Variants in HELB observed in about 807,000 individuals in gnomAD.
HELB encodes the protein DNA helicase B, also known as DNA 5'-3' helicase B.
In HELB, 96 loss-of-function variants were observed where a neutral mutation model predicts 101.7. That is an observed-to-expected ratio of 0.94 (90% CI 0.80 to 1.12). The LOEUF (loss-of-function observed/expected upper bound fraction) is 1.12. Ranked by LOEUF, HELB falls within the 50% of genes most tolerant of loss-of-function variation. HELB has a pLI of 0.00. For missense variants in HELB, 1,210 were observed against 1,291.9 expected, an observed-to-expected ratio of 0.94 and a Z score of 0.97; for synonymous variants, 437 against 459.7, an observed-to-expected ratio of 0.95 and a Z score of 0.63.
intron 1 of HELB, 38 bp downstream of exon 1, chr12:66,302,828 G>A: frequency 1.3e-6 from 2 of 1,532,586 alleles, no homozygotes; most frequent in South Asian, 2.4e-5. Flanking sequence ...GGGTTGGAGG[G>A]TCCAAAGTAG....
In HELB at chr12:66,331,242, G is replaced by A. The variant is rs1283218484; in HGVS notation, c.2759G>A (p.Arg920His). Residue 920 changes from arginine to histidine, a missense_variant, in exon 12 of 13, where the codon CGC (arginine) becomes CAC (histidine). Physicochemically the swap from Arg to His is conservative, Grantham distance 29. This residue lies in a region of HELB where 740 missense variants were observed against 728.8 expected (regional missense o/e 1.02). Coordinates refer to ENST00000247815, the MANE Select transcript of HELB (RefSeq NM_001370285.1). ...QHVYTAVTRG[R>H]CRVYVIAEES... ...GTCTACACCGCCGTGACCAGGGGCC[G>A]CTGCCGAGTGTATGTGATTGCAGAG... 13 of 1,614,094 alleles carry A rather than the reference G, an allele frequency of 8.1e-6. No individual in the cohort carries two copies. Among genetic ancestry groups the A allele is most frequent in the Admixed American group, 3.3e-5 (2 of 60,012 alleles).
At chr12:66,316,790 C>T (rs1179113467) in intron 6 of HELB, among the ~76,000 whole-genome samples, 16 of 151,762 alleles carry the variant, frequency 1.1e-4, no homozygotes, top group African/African-American at 2.9e-4. Context: ...GAGGCCGAGG[C>T]GGGTGGATCA....
intron 8 of HELB, 112 bp downstream of exon 8, chr12:66,322,141 T>C: frequency 1.8e-6 from 1 of 560,164 alleles, no homozygotes; most frequent in South Asian, 1.9e-5. Context: ...CTGTTAATTC[T>C]CTTTCTTATT....
rs143275731 is a variant in HELB, at chr12:66,324,054, A to G, written c.2369A>G (p.Asp790Gly). Residue 790 changes from aspartate to glycine, a missense_variant, in exon 10 of 13, where the codon GAC (aspartate) becomes GGC (glycine). Physicochemically the swap from Asp to Gly is moderately conservative, Grantham distance 94. Coordinates refer to ENST00000247815, the MANE Select transcript of HELB (RefSeq NM_001370285.1). ...ICCTRNAYLS[D>G]LLPENISGSQ... ...TGTACCAGGAATGCATACCTCTCAG[A>G]CTTACTACCTGAAAATATCTCTGGA... 1.8e-4 allele frequency: 287 copies of G among 1,613,666 alleles called. No homozygotes were observed. The highest frequency in any genetic ancestry group is 2.3e-4 in the Non-Finnish European group (276 of 1,179,814).
chr12:66,336,647 G>A (rs894477146), intron 12 of HELB, among the ~76,000 whole-genome samples: 1 of 152,156 alleles, frequency 6.6e-6, no homozygotes, highest in Non-Finnish European at 1.5e-5. Context: ...CAGGGAAAAC[G>A]TTCTCTAGGA....
chr12:66,329,228 G>C (rs1322578677), intron 11 of HELB, among the ~76,000 whole-genome samples: 1 of 152,194 alleles, frequency 6.6e-6, no homozygotes, highest in Non-Finnish European at 1.5e-5. Flanking sequence ...ATCTTGGAGT[G>C]CAGAATTCCA....
rs759310437 is a variant in HELB at position 66,324,984 on chromosome 12, A to G, written c.2528A>G (p.Asp843Gly). ...CNGEIFFITNDVTDVTFGKRR... is the reference protein window; with the variant it reads ...CNGEIFFITNGVTDVTFGKRR... ...AATAGTTCTTTGGTTTGGTGACAGG[A>G]TGTAACTGATGTAACTTTTGGAAAG... The change falls in exon 11 of 13, where the codon GAT becomes GGT. Residue 843 changes from aspartate (D) to glycine (G), a missense_variant and splice_region_variant. This residue lies in a region of HELB where 740 missense variants were observed against 728.8 expected (regional missense o/e 1.02). Coordinates refer to ENST00000247815, the MANE Select transcript of HELB (RefSeq NM_001370285.1). 3.7e-6 allele frequency: 6 copies of G among 1,611,870 alleles called. No homozygotes were observed. The Admixed American group carries it at 8.3e-5, about 22-fold the overall frequency.
At chr12:66,339,186 G>A (rs1442210866), downstream of HELB, 1 of 152,032 alleles carries the variant, frequency 6.6e-6, no homozygotes, top group Non-Finnish European at 1.5e-5. Flanking sequence ...GGCATAAATG[G>A]TTAATAGCTT....
chr12:66,320,437 A>G (rs1294228877), intron 7 of HELB, among the ~76,000 whole-genome samples: 1 of 152,214 alleles, frequency 6.6e-6, no homozygotes, highest in Non-Finnish European at 1.5e-5. Flanking sequence ...TTAAATAATT[A>G]ATAGCTAATG....
chr12:66,342,921 C>A (rs897472273), downstream of HELB: 4 of 152,066 alleles, frequency 2.6e-5, no homozygotes, highest in African/African-American at 9.7e-5. Flanking sequence ...GTCTCAAACT[C>A]CTGACCTCAG....
intron 3 of HELB, among the ~76,000 whole-genome samples, chr12:66,308,100 C>T (rs974601097): frequency 2.0e-5 from 3 of 151,182 alleles, no homozygotes; most frequent in Non-Finnish European, 4.4e-5. Context: ...GTATTTTCTG[C>T]CTTCTGGATT....
intron 12 of HELB, among the ~76,000 whole-genome samples, chr12:66,333,112 C>A (rs1024966441): frequency 3.3e-5 from 5 of 152,038 alleles, no homozygotes; most frequent in Admixed American, 2.6e-4. Context: ...GGGAGGAAAG[C>A]GCACCAGTGC....
intron 6 of HELB, among the ~76,000 whole-genome samples, chr12:66,317,537 CGT>C (rs992642314): frequency 9.2e-5 from 14 of 152,304 alleles, no homozygotes; most frequent in African/African-American, 3.4e-4. Context: ...GTCCAAGAAA[CGT>C]GGAGGAATCT....
chr12:66,325,054 T>C lies in HELB; in HGVS notation c.2598T>C (p.Thr866=), dbSNP rs1222356957. ...ATAATATGGCTGGCCTGGAAGTAACTGTGGATTTTAAGAAACTAATGAAAT... is the reference window on the plus strand; with the variant it reads ...ATAATATGGCTGGCCTGGAAGTAACCGTGGATTTTAAGAAACTAATGAAAT... ...TINNMAGLEV[T]VDFKKLMKYC... is the part of the protein sequence containing the mutation. The change falls in exon 11 of 13, where the codon ACT becomes ACC. Residue 866 remains threonine (T), a synonymous_variant. Transcript: ENST00000247815. 1 of 1,613,660 alleles carries C rather than the reference T, an allele frequency of 6.2e-7. No individual in the cohort carries two copies. The highest frequency in any genetic ancestry group is 8.5e-7 in the Non-Finnish European group (1 of 1,179,748).
At chr12:66,313,653 G>A (rs550113887) in intron 4 of HELB, among the ~76,000 whole-genome samples, 1 of 152,140 alleles carries the variant, frequency 6.6e-6, no homozygotes, top group South Asian at 2.1e-4. Flanking sequence ...CCAGAATGGA[G>A]TACTATGGTT....
In HELB at chr12:66,310,407, G is replaced by A; in HGVS notation, c.1479G>A (p.Glu493=). The change falls in exon 4 of 13, where the codon GAG becomes GAA. Residue 493 remains glutamate, a synonymous_variant. Transcript: ENST00000247815. ...TTAGCCGTCTTTTTAAGCATATAGAGCAGTTGGAAGAAAGAGAAGTAAAAA... is the reference window on the plus strand; with the variant it reads ...TTAGCCGTCTTTTTAAGCATATAGAACAGTTGGAAGAAAGAGAAGTAAAAA... The part of the protein sequence containing the change: ...TIVSRLFKHI[E]QLEEREVKKA... 2 of 1,614,118 alleles carry A rather than the reference G, an allele frequency of 1.2e-6. No individual in the cohort carries two copies. Among genetic ancestry groups the A allele is most frequent in the Non-Finnish European group, 1.7e-6 (2 of 1,180,020 alleles).
intron 1 of HELB, among the ~76,000 whole-genome samples, chr12:66,304,246 C>T (rs2053444728): frequency 6.6e-6 from 1 of 152,078 alleles, no homozygotes; most frequent in African/African-American, 2.4e-5. Context: ...CTAAATAGTG[C>T]TTTGAGAGGT....
chr12:66,336,440 A>T (rs1422219578), intron 12 of HELB, among the ~76,000 whole-genome samples: 6 of 152,192 alleles, frequency 3.9e-5, no homozygotes, highest in Non-Finnish European at 8.8e-5. Flanking sequence ...ATGTGGTTCT[A>T]ATAGAAGTGT....
At chr12:66,312,909 A>G (rs1002340138) in intron 4 of HELB, among the ~76,000 whole-genome samples, 22 of 152,176 alleles carry the variant, frequency 1.4e-4, no homozygotes, top group African/African-American at 4.8e-4. Context: ...TTATGGGGCA[A>G]TCCCATCCTG....
Sources: gnomAD v4.1 joint callset for allele counts (sites outside exome capture counted in the v4.1 genomes callset) on GRCh38, gnomAD v4.1.1 for gene constraint, gnomAD v4.1.1 regional missense constraint, MANE v1.5 for transcripts, NCBI Gene and HGNC (gene_info 2026-07-23, HGNC 2026-07-21) for gene names.